The following CFAP100 variants were observed in gnomAD, a reference collection of about 807,000 sequenced individuals.
CFAP100 encodes cilia and flagella associated protein 100, also known as cilia- and flagella-associated protein 100.
In CFAP100, 70 loss-of-function variants were observed where a neutral mutation model predicts 81.5. The ratio of observed to expected loss-of-function variants is 0.86; its 90% CI spans 0.71 to 1.05. The LOEUF is 1.05. Among genes scored for constraint, CFAP100 ranks in the 50% least tolerant of loss-of-function variants. CFAP100 has a pLI of 0.00. For synonymous variants in CFAP100, 341 were observed against 314.8 expected (o/e 1.08, Z -0.88); for missense variants, 811 against 776.5 (o/e 1.04, Z -0.53).
chr3:126,400,497 A>T (rs1037014682), intron 2 of CFAP100, among the ~76,000 whole-genome samples: 4 of 152,146 alleles, frequency 2.6e-5, no homozygotes, highest in Admixed American at 6.5e-5. Context: ...CTCTCGCCTA[A>T]AATCCCAGCA....
In CFAP100 at chr3:126,434,355, G is replaced by A. The variant is rs771958881; in HGVS notation, c.1602G>A (p.Arg534=). The A allele has an allele frequency of 6.2e-7, 1 of 1,613,896 alleles. No individual in the cohort carries two copies. The highest frequency in any genetic ancestry group is 1.7e-5 in the Admixed American group (1 of 60,002). ...VPQVKIEQAE[R]AKEKERRIRL... is the part of the protein sequence containing the mutation. Reference sequence around the variant, plus strand: ...AGGTCAAGATCGAGCAGGCCGAGAGGGCAAAGGAGAAGGAGCGGCGCATCA... The same window carrying A: ...AGGTCAAGATCGAGCAGGCCGAGAGAGCAAAGGAGAAGGAGCGGCGCATCA... The change falls in exon 15 of 17, where the codon AGG becomes AGA. Residue 534 remains arginine, a synonymous_variant. Transcript: ENST00000352312.
chr3:126,432,941 GCACCCATGA>G, intron 13 of CFAP100, 119 bp from the exon 14 acceptor site: 3 of 963,702 alleles, frequency 3.1e-6, no homozygotes, highest in Non-Finnish European at 2.9e-6. Flanking sequence ...CAGAGACTTG[GCACCCATGA>G]TCCTTCAGCC....
rs148001278 is a variant in CFAP100, at chr3:126,418,775, G to A, written c.650+1G>A. The A allele has an allele frequency of 1.7e-4, 277 of 1,584,384 alleles. No homozygotes were observed. The highest frequency in any genetic ancestry group is 2.1e-4 in the Non-Finnish European group (245 of 1,168,094). On this transcript the variant is annotated splice_donor_variant, in intron 7 of 16. Transcript: ENST00000352312. LOFTEE classifies it high-confidence loss of function. Reference sequence around the variant, plus strand: ...GCAGCTCCGTGCAGGCCATGAGAGCGTGAGCCTGCGGGCCCGAGGGGCTGG... The same window carrying A: ...GCAGCTCCGTGCAGGCCATGAGAGCATGAGCCTGCGGGCCCGAGGGGCTGG...
Position 126,418,465 on chromosome 3 carries a change from T to C in CFAP100, c.426T>C (p.Asn142=). ...TWKLTLTKEK[N]VEPENMSGYI... The stretch of plus-strand genomic sequence containing the variant: ...TCCCTCTTCTTCCAGCAGAAAAGAA[T>C]GTGGAGCCTGAGAACATGAGTGGCT... Residue 142 remains asparagine (N), a synonymous_variant, in exon 6 of 17, where the codon AAT becomes AAC. Transcript: ENST00000352312. 6.2e-7 allele frequency: 1 copy of C among 1,614,046 alleles called. No individual in the cohort carries two copies. Among genetic ancestry groups the C allele is most frequent in the Non-Finnish European group, 8.5e-7 (1 of 1,179,998 alleles).
chr3:126,434,789 G>A (rs920463660), intron 15 of CFAP100, among the ~76,000 whole-genome samples: 5 of 152,180 alleles, frequency 3.3e-5, no homozygotes, highest in African/African-American at 1.2e-4. Context: ...GGAGGGGCTG[G>A]AGGCTGAGGG....
intron 15 of CFAP100, among the ~76,000 whole-genome samples, 172 bp from the exon 16 acceptor site, chr3:126,435,387 C>T (rs1473557880): frequency 1.3e-5 from 2 of 152,206 alleles, no homozygotes; most frequent in African/African-American, 4.8e-5. Flanking sequence ...TGGCCAAAAG[C>T]AGCGGTGCTT....
At chr3:126,398,050 C>G (rs2082915351) in intron 2 of CFAP100, among the ~76,000 whole-genome samples, 1 of 152,266 alleles carries the variant, frequency 6.6e-6, no homozygotes, top group Non-Finnish European at 1.5e-5. Flanking sequence ...CTATTGGCCT[C>G]TGCCCAGATG....
Position 126,434,237 on chromosome 3 carries a change from C to T in CFAP100, c.1484C>T (p.Thr495Ile). Residue 495 changes from threonine to isoleucine, a missense_variant, in exon 15 of 17, where the codon ACC becomes ATC. By Grantham distance (89) the Thr-to-Ile change is moderately conservative. Coordinates refer to ENST00000352312, the MANE Select transcript of CFAP100 (RefSeq NM_182628.3). Reference protein sequence around the residue: ...VLDVYRHCTGTQQEANLGTVQ... With the variant: ...VLDVYRHCTGIQQEANLGTVQ... ...GATGTGTACCGGCACTGCACCGGCA[C>T]CCAGCAGGAGGCCAACCTGGGCACC... The T allele has an allele frequency of 6.2e-7, 1 of 1,613,934 alleles. No homozygotes were observed. The highest frequency in any genetic ancestry group is 8.5e-7 in the Non-Finnish European group (1 of 1,179,992).
chr3:126,395,945 A>T lies in CFAP100; in HGVS notation c.-56A>T. On this transcript the variant is annotated 5_prime_UTR_variant, in exon 2 of 17. Coordinates refer to ENST00000352312, the MANE Select transcript of CFAP100 (RefSeq NM_182628.3). ...CAAGCACTGTGTCACTCCTCAGGTG[A>T]GGATCTCCTTTAGAAGAGGAGAAGC... 6.9e-7 allele frequency: 1 copy of T among 1,454,812 alleles called. No individual in the cohort carries two copies. The highest frequency in any genetic ancestry group is 9.7e-7 in the Non-Finnish European group (1 of 1,035,842). The allele number at this position is 1,454,812 out of a possible 1,614,324, so 90.1% of individuals were successfully genotyped here.
At chr3:126,413,968 C>G in intron 3 of CFAP100, 117 bp from the exon 4 acceptor site, 1 of 745,396 alleles carries the variant, frequency 1.3e-6, no homozygotes, top group Non-Finnish European at 2.4e-6. Context: ...CAGGGGGAAC[C>G]TTCCCACTCA....
Position 126,400,525 on chromosome 3 carries a change from G to A in CFAP100, c.49+4476G>A, listed in dbSNP as rs144398352. Among the ~76,000 whole-genome samples, 1,349 of 152,234 alleles carry A rather than the reference G, an allele frequency of 8.9e-3. 12 individuals are homozygous for A. Among genetic ancestry groups the A allele is most frequent in the Middle Eastern group, 0.02 (6 of 294 alleles). On this transcript the variant is annotated intron_variant, in intron 2 of 16. Coordinates refer to ENST00000352312, the MANE Select transcript of CFAP100 (RefSeq NM_182628.3). ...TCCCAGCATTTCGGGAGGCCAAGGC[G>A]GGCGGATCACGAGGTCAGGAGATTG...
Position 126,404,754 on chromosome 3 carries a change from A to C in CFAP100, c.50-2418A>C, listed in dbSNP as rs147170839. On this transcript the variant is annotated intron_variant, in intron 2 of 16. Coordinates refer to ENST00000352312, the MANE Select transcript of CFAP100 (RefSeq NM_182628.3). The stretch of plus-strand genomic sequence containing the variant: ...CAGTGACACAATCTTGGCTCACTGC[A>C]ACCTCCACCTCCTGGGTTCAAGCGA... Among the ~76,000 whole-genome samples, 1,337 of 152,202 alleles carry C rather than the reference A, an allele frequency of 8.8e-3. 12 individuals carry two copies. The highest frequency in any genetic ancestry group is 0.085 in the Middle Eastern group (25 of 294).
Position 126,423,349 on chromosome 3 carries a change from G to T in CFAP100, c.1107G>T (p.Thr369=), listed in dbSNP as rs539034098. Residue 369 remains threonine (T), a synonymous_variant, in exon 12 of 17, where the codon ACG becomes ACT. Transcript: ENST00000352312. ...SRGSNSPIPP[T]QEDTDSDGEE... The stretch of plus-strand genomic sequence containing the variant: ...GGTCGAACTCTCCCATCCCCCCCAC[G>T]CAGGAGGACACCGACAGCGATGGGG... The T allele has an allele frequency of 1.2e-6, 2 of 1,613,470 alleles. No individual in the cohort carries two copies. Among genetic ancestry groups the T allele is most frequent in the Non-Finnish European group, 1.7e-6 (2 of 1,179,746 alleles).
Position 126,434,272 on chromosome 3 carries a change from C to G in CFAP100, c.1519C>G (p.Leu507Val), listed in dbSNP as rs1408971920. The G allele has an allele frequency of 6.2e-7, 1 of 1,614,070 alleles. No homozygotes were observed. Among genetic ancestry groups the G allele is most frequent in the Non-Finnish European group, 8.5e-7 (1 of 1,180,016 alleles). The change falls in exon 15 of 17, where the codon CTG becomes GTG. Residue 507 changes from leucine to valine, a missense_variant. Coordinates refer to ENST00000352312, the MANE Select transcript of CFAP100 (RefSeq NM_182628.3). The part of the protein sequence containing the change: ...QEANLGTVQM[L>V]TIIEHQLDEL... ...GGCCAACCTGGGCACCGTGCAGATG[C>G]TGACCATCATTGAGCACCAGCTGGA...
At chr3:126,418,906 G>A in intron 7 of CFAP100, 132 bp downstream of exon 7, 2 of 1,213,506 alleles carry the variant, frequency 1.6e-6, no homozygotes, top group Non-Finnish European at 1.1e-6. Context: ...GGCCGGTCGG[G>A]AGCCAAGGGC....
At position 126,434,258 on chromosome 3, in the gene CFAP100, G is replaced by A; in HGVS notation, c.1505G>A (p.Gly502Asp). 1.2e-6 allele frequency: 2 copies of A among 1,614,010 alleles called. No homozygotes were observed. Among genetic ancestry groups the A allele is most frequent in the South Asian group, 1.1e-5 (1 of 91,082 alleles). ...CTGTQQEANLGTVQMLTIIEH... is the reference protein window; with the variant it reads ...CTGTQQEANLDTVQMLTIIEH... ...GGCACCCAGCAGGAGGCCAACCTGG[G>A]CACCGTGCAGATGCTGACCATCATT... The change falls in exon 15 of 17, where the codon GGC becomes GAC. Residue 502 changes from glycine (G) to aspartate (D), a missense_variant. Gly to Asp is a moderately conservative substitution (Grantham distance 94). Coordinates refer to ENST00000352312, the MANE Select transcript of CFAP100 (RefSeq NM_182628.3).
intron 3 of CFAP100, among the ~76,000 whole-genome samples, chr3:126,411,358 T>G (rs71327766): frequency 1.5e-5 from 2 of 129,320 alleles, no homozygotes; most frequent in African/African-American, 5.6e-5. Flanking sequence ...TTTGTTGTTG[T>G]TGGTTTTTTT....
At position 126,416,400 on chromosome 3, in the gene CFAP100, C is replaced by G; in HGVS notation, c.310C>G (p.Arg104Gly). ...KVSAKHTSLR[R>G]QLQLEDKQED... Reference sequence around the variant, plus strand: ...GTCGGCTAAGCACACCAGCCTGCGGCGGCAGCTGCAGCTGGAGGACAAGCA... The same window carrying G: ...GTCGGCTAAGCACACCAGCCTGCGGGGGCAGCTGCAGCTGGAGGACAAGCA... Residue 104 changes from arginine to glycine, a missense_variant, in exon 5 of 17, where the codon CGG becomes GGG. Arg to Gly is a moderately radical substitution (Grantham distance 125). Transcript: ENST00000352312. The G allele has an allele frequency of 1.9e-6, 3 of 1,612,112 alleles. No individual in the cohort carries two copies. The highest frequency in any genetic ancestry group is 2.5e-6 in the Non-Finnish European group (3 of 1,179,520).
chr3:126,398,555 G>A (rs2082924822), intron 2 of CFAP100, among the ~76,000 whole-genome samples: 1 of 152,244 alleles, frequency 6.6e-6, no homozygotes, highest in Admixed American at 6.5e-5. Flanking sequence ...GAGCATTCAG[G>A]AAGGGCATGG....
Sources: allele counts gnomAD v4.1 joint callset (sites outside exome capture counted in the v4.1 genomes callset), GRCh38; gene constraint gnomAD v4.1.1; transcripts MANE v1.5; gene names NCBI Gene and HGNC (gene_info 2026-07-23, HGNC 2026-07-21).